The following KCNG3 variants were observed in gnomAD, a reference collection of about 807,000 sequenced individuals.
The protein encoded by KCNG3 is potassium voltage-gated channel modifier subfamily G member 3.
Under a neutral mutation model 29.0 loss-of-function variants are expected in KCNG3, and 15 were observed. The observed-to-expected ratio is 0.52, with a 90% CI of 0.35 to 0.80. The LOEUF (loss-of-function observed/expected upper bound fraction) is 0.80, where lower values mean the gene tolerates loss of function less well. Among genes scored for constraint, KCNG3 ranks in the 30% least tolerant of loss-of-function variants. KCNG3 has a pLI of 0.01. For synonymous variants in KCNG3, 322 were observed against 248.9 expected, an observed-to-expected ratio of 1.29 and a Z score of -2.76; for missense variants, 512 against 605.7, an observed-to-expected ratio of 0.85 and a Z score of 1.62.
At chr2:42,402,259 G>A in the KCNG3 span, among the ~76,000 whole-genome samples, 1 of 152,256 alleles carries the variant, frequency 6.6e-6, no homozygotes, top group Non-Finnish European at 1.5e-5. Context: ...AGGTTCTCCA[G>A]TTTGCAGACA....
intron 1 of KCNG3, among the ~76,000 whole-genome samples, chr2:42,479,414 T>G (rs1219026882): frequency 6.7e-6 from 1 of 149,946 alleles, no homozygotes; most frequent in South Asian, 2.1e-4. Context: ...GAGGCCAAGG[T>G]GGGCAAATCC....
At chr2:42,480,788 C>CT (rs946642376) in intron 1 of KCNG3, among the ~76,000 whole-genome samples, 114 of 145,326 alleles carry the variant, frequency 7.8e-4, no homozygotes, top group Non-Finnish European at 1.4e-3. Context: ...AAGTAAAATC[C>CT]TTTTTTTTTC....
chr2:42,467,295 T>C (rs964315167), intron 1 of KCNG3, among the ~76,000 whole-genome samples: 3 of 152,176 alleles, frequency 2.0e-5, no homozygotes, highest in Admixed American at 6.6e-5. Context: ...AGTTCTATCA[T>C]ATACCAAGCA....
rs541261477 is a variant in KCNG3 at position 42,482,710 on chromosome 2, C to T, written c.665+10127G>A. On this transcript the variant is annotated intron_variant, in intron 1 of 1. Transcript: ENST00000306078. ...CACCACTGCACTCCAGCCTGGCAAA[C>T]AGAGCAAGACTCCACCTCAAAACAA... 3.3e-5 allele frequency among the ~76,000 whole-genome samples: 5 copies of T among 152,286 alleles called. No homozygotes were observed. The East Asian group carries it at 9.6e-4, about 29-fold the overall frequency.
chr2:42,449,887 A>G (rs905238070), intron 1 of KCNG3, among the ~76,000 whole-genome samples: 3 of 152,132 alleles, frequency 2.0e-5, no homozygotes, highest in Non-Finnish European at 2.9e-5. Flanking sequence ...GCTTGTGGGT[A>G]AGATGTACCA....
intron 1 of KCNG3, among the ~76,000 whole-genome samples, chr2:42,484,279 T>A (rs7578503): frequency 0.28 from 42,662 of 151,762 alleles, 6,715 homozygotes; most frequent in African/African-American, 0.41. Flanking sequence ...CTGGCCAACA[T>A]GGTGAAACTC....
the KCNG3 span, among the ~76,000 whole-genome samples, chr2:42,433,438 A>C: frequency 3.9e-5 from 6 of 152,138 alleles, no homozygotes; most frequent in African/African-American, 1.4e-4. Flanking sequence ...GTGGGCAGGC[A>C]CCAACCAGTT....
downstream of KCNG3, among the ~76,000 whole-genome samples, chr2:42,437,287 T>C: frequency 6.6e-6 from 1 of 152,184 alleles, no homozygotes; most frequent in East Asian, 1.9e-4. Context: ...TTGATTAAAT[T>C]AATATAAGTC....
At position 42,442,853 on chromosome 2, in the gene KCNG3, G is replaced by C. The variant is rs1672515594; in HGVS notation, c.*1081C>G. 1 of 152,154 alleles carries C rather than the reference G, an allele frequency of 6.6e-6. No individual in the cohort carries two copies. Among genetic ancestry groups the C allele is most frequent in the South Asian group, 2.1e-4 (1 of 4,828 alleles). The allele number at this position is 152,154 out of a possible 1,614,324, so 9.4% of individuals were successfully genotyped here. A position where few individuals can be genotyped will look rare whatever the true frequency, so the allele number is the denominator to read the frequency against. ...GTAGCTGTGATTCACAATAGTTAAA[G>C]ATCAGATCAAATCATTATGTATCCA... is the stretch of plus-strand genomic sequence containing the variant. On this transcript the variant is annotated 3_prime_UTR_variant, in exon 2 of 2. Transcript: ENST00000306078.
chr2:42,480,618 G>A (rs79700834), intron 1 of KCNG3, among the ~76,000 whole-genome samples: 2,152 of 151,948 alleles, frequency 0.014, 39 homozygotes, highest in African/African-American at 0.049. Flanking sequence ...TAGTGTTCAC[G>A]AGTCACAAAA....
the KCNG3 span, chr2:42,415,353 A>C: frequency 6.6e-6 from 1 of 152,242 alleles, no homozygotes; most frequent in Admixed American, 6.5e-5. Flanking sequence ...TTGCTCCCAA[A>C]TAATCACTGC....
intron 1 of KCNG3, among the ~76,000 whole-genome samples, chr2:42,460,756 A>G (rs1197296582): frequency 6.6e-6 from 1 of 152,162 alleles, no homozygotes; most frequent in Non-Finnish European, 1.5e-5. Flanking sequence ...TGGGCCACTG[A>G]CCAGTGTTTA....
the KCNG3 span, among the ~76,000 whole-genome samples, chr2:42,435,222 G>C: frequency 6.6e-6 from 1 of 152,150 alleles, no homozygotes; most frequent in African/African-American, 2.4e-5. Context: ...AGAATCGCTT[G>C]AACCAGGGAG....
chr2:42,391,949 G>A, the KCNG3 span, among the ~76,000 whole-genome samples: 1 of 152,130 alleles, frequency 6.6e-6, no homozygotes, highest in African/African-American at 2.4e-5. Flanking sequence ...CAATAAAGAT[G>A]TTTTTACGGT....
chr2:42,425,398 CAAAA>C, the KCNG3 span, among the ~76,000 whole-genome samples: 2 of 82,352 alleles, frequency 2.4e-5, no homozygotes, highest in African/African-American at 4.4e-5. Context: ...GACTCCGTCT[CAAAA>C]AAAAAAAAAA....
At chr2:42,448,977 C>CA (rs1209552387) in intron 1 of KCNG3, among the ~76,000 whole-genome samples, 3,640 of 137,048 alleles carry the variant, frequency 0.027, 128 homozygotes, top group African/African-American at 0.082. Flanking sequence ...GACTCCGTCT[C>CA]AAAAAAAAAA....
At chr2:42,478,183 G>T (rs1308732417) in intron 1 of KCNG3, among the ~76,000 whole-genome samples, 1 of 152,224 alleles carries the variant, frequency 6.6e-6, no homozygotes, top group African/African-American at 2.4e-5. Flanking sequence ...AGGATCTAAA[G>T]GAGCTTTTGT....
intron 1 of KCNG3, among the ~76,000 whole-genome samples, chr2:42,491,299 C>T (rs573097638): frequency 6.6e-6 from 1 of 151,992 alleles, no homozygotes; most frequent in East Asian, 1.9e-4. Context: ...CCCAAAACAC[C>T]CTCCCTCCCC....
chr2:42,389,462 C>T, the KCNG3 span, among the ~76,000 whole-genome samples: 1 of 152,192 alleles, frequency 6.6e-6, no homozygotes, highest in Non-Finnish European at 1.5e-5. Context: ...TGGGCACATA[C>T]ATTTCTAAAG....
Sources: allele counts gnomAD v4.1 joint callset (sites outside exome capture counted in the v4.1 genomes callset), GRCh38; gene constraint gnomAD v4.1.1; transcripts MANE v1.5; gene names NCBI Gene and HGNC (gene_info 2026-07-23, HGNC 2026-07-21).